TRMT44: variants seen among roughly 807,000 people sequenced by gnomAD.
The protein encoded by TRMT44 is tRNA methyltransferase 44 homolog.
TRMT44 carries 78 observed loss-of-function variants against 77.3 expected under a neutral mutation model. The ratio of observed to expected loss-of-function variants is 1.01; its 90% CI spans 0.84 to 1.22. TRMT44 has a LOEUF of 1.22. Among genes scored for constraint, TRMT44 ranks in the 50% most tolerant of loss-of-function variants. The pLI, the probability that TRMT44 is intolerant of heterozygous loss-of-function variation, is 0.00. For missense variants in TRMT44, 1,090 were observed against 964.4 expected, an observed-to-expected ratio of 1.13 and a Z score of -1.73; for synonymous variants, 391 against 383.3, an observed-to-expected ratio of 1.02 and a Z score of -0.23.
Position 8,471,077 on chromosome 4 carries a change from TCCACAGAGAGC to T in TRMT44, c.1928-5_1933del. 1.3e-6 allele frequency: 2 copies of T among 1,573,410 alleles called. No individual in the cohort carries two copies. The highest frequency in any genetic ancestry group is 1.7e-6 in the Non-Finnish European group (2 of 1,164,848). Reference sequence around the variant, plus strand: ...TTTGGGGAAAAAAAAAACCCGTTTTTCCACAGAGAGCCTATCTCTGGCAGAAGTAGCCAACG... The same window carrying T: ...TTTGGGGAAAAAAAAAACCCGTTTTTCTATCTCTGGCAGAAGTAGCCAACG... On this transcript the variant is annotated splice_acceptor_variant and splice_polypyrimidine_tract_variant and coding_sequence_variant and intron_variant, in exon 10 of 11. Transcript: ENST00000389737. LOFTEE classifies it high-confidence loss of function.
chr4:8,470,538 A>C (rs1726910535), intron 9 of TRMT44, among the ~76,000 whole-genome samples: 1 of 152,258 alleles, frequency 6.6e-6, no homozygotes, highest in Non-Finnish European at 1.5e-5. Flanking sequence ...AAATACCTGC[A>C]GGCTCTCAAA....
At chr4:8,507,314 CA>C in the TRMT44 span, 2 of 152,498 alleles carry the variant, frequency 1.3e-5, no homozygotes, top group African/African-American at 4.8e-5. Flanking sequence ...CGAAGAAGGA[CA>C]AGTCTATTTG....
chr4:8,504,862 G>A, the TRMT44 span, among the ~76,000 whole-genome samples: 373 of 152,272 alleles, frequency 2.4e-3, 16 homozygotes, highest in East Asian at 0.057. This position sits in a 1 kb window ranked among gnomAD's most constrained non-coding sequence, Gnocchi z 5.3. Flanking sequence ...GGGGCTGAAC[G>A]CCACTTCTCT....
At chr4:8,466,545 C>T (rs566926152) in intron 8 of TRMT44, among the ~76,000 whole-genome samples, 13 of 152,368 alleles carry the variant, frequency 8.5e-5, no homozygotes, top group Admixed American at 3.3e-4. Flanking sequence ...GCCCTGCTAC[C>T]GTGGGAAGTT....
Position 8,451,987 on chromosome 4 carries a change from A to C in TRMT44, c.982A>C (p.Lys328Gln). 6.5e-6 allele frequency: 10 copies of C among 1,536,732 alleles called. No homozygotes were observed. Among genetic ancestry groups the C allele is most frequent in the Non-Finnish European group, 6.1e-6 (7 of 1,147,034 alleles). The change falls in exon 4 of 11, where the codon AAG becomes CAG. Residue 328 changes from lysine to glutamine, a missense_variant. Transcript: ENST00000389737. This position sits in a 1 kb window ranked among gnomAD's most constrained non-coding sequence, Gnocchi z 4.1. The part of the protein sequence containing the change: ...KVWPEVTDPE[K>Q]FVYEDVAIAA... ...GTGGCCTGAAGTCACTGATCCTGAG[A>C]AGTTCGTGTATGAAGATGTGGCTAT...
chr4:8,501,475 A>G, the TRMT44 span, among the ~76,000 whole-genome samples: 3 of 152,168 alleles, frequency 2.0e-5, no homozygotes, highest in African/African-American at 7.2e-5. The surrounding 1 kb of genome is among the most constrained non-coding windows in gnomAD (Gnocchi z 4.4). Context: ...CCTCCTGGGA[A>G]AAATGGGGAT....
chr4:8,441,561 G>C, intron 1 of TRMT44, 120 bp downstream of exon 1: 1 of 1,245,724 alleles, frequency 8.0e-7, no homozygotes, highest in African/African-American at 1.5e-5. Flanking sequence ...GAGGTTGTTA[G>C]GTGTTTCATA....
At chr4:8,480,518 A>C (rs1171926569), downstream of TRMT44, among the ~76,000 whole-genome samples, 16 of 152,284 alleles carry the variant, frequency 1.1e-4, no homozygotes, top group East Asian at 2.9e-3. Context: ...ACGCCCCCAG[A>C]AGGTCATACT....
At position 8,444,293 on chromosome 4, in the gene TRMT44, T is replaced by G. The variant is rs1724928881; in HGVS notation, c.620-2183T>G. 6.7e-6 allele frequency among the ~76,000 whole-genome samples: 1 copy of G among 149,902 alleles called. No homozygotes were observed. The highest frequency in any genetic ancestry group is 1.5e-5 in the Non-Finnish European group (1 of 67,544). ...GAGGGTGGGAAGGGGAGTGGAGGGT[T>G]GGGGGAGAGGTGGGATGGTTAAAGT... On this transcript the variant is annotated intron_variant, in intron 1 of 10. Transcript: ENST00000389737. This position sits in a 1 kb window ranked among gnomAD's most constrained non-coding sequence, Gnocchi z 4.0.
At chr4:8,456,369 G>A (rs182928522) in intron 6 of TRMT44, among the ~76,000 whole-genome samples, 3 of 152,298 alleles carry the variant, frequency 2.0e-5, no homozygotes, top group African/African-American at 4.8e-5. Flanking sequence ...GAGTAGCACT[G>A]CAGGACCCAT....
chr4:8,467,404 G>A (rs936631273), intron 8 of TRMT44, among the ~76,000 whole-genome samples: 2 of 151,982 alleles, frequency 1.3e-5, no homozygotes, highest in Non-Finnish European at 2.9e-5. Context: ...ATGATGAGAG[G>A]GAACCATGGG....
the TRMT44 span, chr4:8,507,491 A>C: frequency 6.5e-6 from 1 of 153,296 alleles, no homozygotes; most frequent in South Asian, 2.1e-4. Flanking sequence ...TCCGGAGCTC[A>C]GCGTGCATCC....
At chr4:8,455,287 G>A (rs1034949924) in intron 6 of TRMT44, among the ~76,000 whole-genome samples, 3 of 152,240 alleles carry the variant, frequency 2.0e-5, no homozygotes, top group African/African-American at 7.2e-5. Context: ...GGTTTAGAGG[G>A]CTGTGGGGAC....
Position 8,476,456 on chromosome 4 carries a change from A to T in TRMT44, c.*455A>T, listed in dbSNP as rs1727395120. On this transcript the variant is annotated 3_prime_UTR_variant, in exon 11 of 11. Coordinates refer to ENST00000389737, the MANE Select transcript of TRMT44 (RefSeq NM_152544.3). ...CACTGGAGAGCAGCTGCTCTGGAGC[A>T]GGGATCCACCAGATTGGTATTTTTA... 5.9e-6 allele frequency: 1 copy of T among 169,062 alleles called. No individual in the cohort carries two copies. The highest frequency in any genetic ancestry group is 1.3e-5 in the Non-Finnish European group (1 of 77,760). The allele number at this position is 169,062 out of a possible 1,614,324, so 10.5% of individuals were successfully genotyped here. A position where few individuals can be genotyped will look rare whatever the true frequency, so the allele number is the denominator to read the frequency against.
At chr4:8,500,516 A>T in the TRMT44 span, among the ~76,000 whole-genome samples, 1 of 151,950 alleles carries the variant, frequency 6.6e-6, no homozygotes. Context: ...ATAAATAAAT[A>T]AAATAAAATA....
At position 8,483,838 on chromosome 4, in the gene TRMT44, T is replaced by A. The variant is rs189780452; in HGVS notation, n.3891+4305T>A. 1.1e-3 allele frequency among the ~76,000 whole-genome samples: 168 copies of A among 152,298 alleles called. 1 individual carries two copies. Among genetic ancestry groups the A allele is most frequent in the African/African-American group, 4.0e-3 (166 of 41,562 alleles). ...TGGCCTTCTCAGACCCTGTAGGAAA[T>A]GTCTTTACTTATTCAGTGAAAGTGT... On this transcript the variant is annotated intron_variant and non_coding_transcript_variant, in intron 2 of 2. Transcript: ENST00000511366.
At position 8,446,332 on chromosome 4, in the gene TRMT44, AGTTCCTCTCCT is replaced by A; in HGVS notation, c.620-142_620-132del. ...GCTGTAGCAGTGAATGAAAGGCAAA[AGTTCCTCTCCT>A]GGAGTGCCATTGTGAATAGAGTGCT... On this transcript the variant is annotated intron_variant, in intron 1 of 10. Coordinates refer to ENST00000389737, the MANE Select transcript of TRMT44 (RefSeq NM_152544.3). The surrounding 1 kb of genome is among the most constrained non-coding windows in gnomAD (Gnocchi z 4.3). The A allele has an allele frequency of 3.3e-6, 2 of 603,792 alleles. No homozygotes were observed. The highest frequency in any genetic ancestry group is 4.0e-5 in the South Asian group (2 of 50,358). The allele number at this position is 603,792 out of a possible 1,614,324, so 37.4% of individuals were successfully genotyped here.
chr4:8,508,611 G>T, the TRMT44 span, among the ~76,000 whole-genome samples: 2 of 152,236 alleles, frequency 1.3e-5, no homozygotes, highest in Admixed American at 6.5e-5. Flanking sequence ...CATGGCCGGG[G>T]TCTGGCTGAC....
intron 2 of TRMT44, among the ~76,000 whole-genome samples, chr4:8,483,850 T>C (rs1319976844): frequency 6.6e-6 from 1 of 152,202 alleles, no homozygotes; most frequent in Non-Finnish European, 1.5e-5. Context: ...TCTTTACTTA[T>C]TCAGTGAAAG....
Sources: allele counts gnomAD v4.1 joint callset (sites outside exome capture counted in the v4.1 genomes callset), GRCh38; gene constraint gnomAD v4.1.1; non-coding constraint Gnocchi (gnomAD v3.1); transcripts MANE v1.5; gene names NCBI Gene and HGNC (gene_info 2026-07-23, HGNC 2026-07-21).